The following MRC2 variants were observed in gnomAD, a reference collection of about 807,000 sequenced individuals.
The protein encoded by MRC2 is C-type mannose receptor 2.
Under a neutral mutation model 206.2 loss-of-function variants are expected in MRC2, and 84 were observed. That is an observed-to-expected ratio of 0.41 (90% CI 0.34 to 0.49). The LOEUF (loss-of-function observed/expected upper bound fraction) is 0.49, where lower values mean the gene tolerates loss of function less well. Among genes scored for constraint, MRC2 ranks in the 20% least tolerant of loss-of-function variants. The pLI is 0.31. For synonymous variants in MRC2, 798 were observed against 800.0 expected, an observed-to-expected ratio of 1.00 and a Z score of 0.04; for missense variants, 1,676 against 2,001.5, an observed-to-expected ratio of 0.84 and a Z score of 3.10.
intron 11 of MRC2, 51 bp from the exon 12 acceptor site, chr17:62,677,218 C>G: frequency 6.9e-7 from 1 of 1,453,956 alleles, no homozygotes; most frequent in Non-Finnish European, 9.3e-7. Context: ...TGAGGGAGGA[C>G]CAGACTATGA....
intron 1 of MRC2, among the ~76,000 whole-genome samples, chr17:62,641,226 G>A (rs2088398569): frequency 6.6e-6 from 1 of 151,192 alleles, no homozygotes; most frequent in African/African-American, 2.4e-5. Flanking sequence ...TTGGGAGGCC[G>A]AGGTGGGTGG....
At chr17:62,676,886 CAAAT>C (rs887892764) in intron 11 of MRC2, among the ~76,000 whole-genome samples, 17 of 152,342 alleles carry the variant, frequency 1.1e-4, no homozygotes, top group East Asian at 1.9e-4. Context: ...AAAAAAGAAA[CAAAT>C]AATCTCTTCT....
intron 1 of MRC2, among the ~76,000 whole-genome samples, chr17:62,653,995 A>G (rs891118048): frequency 2.6e-5 from 4 of 152,094 alleles, no homozygotes; most frequent in Non-Finnish European, 5.9e-5. Flanking sequence ...GCCTCTTAGC[A>G]GGGTGGGGCT....
chr17:62,662,580 T>C (rs1598980979), intron 1 of MRC2, among the ~76,000 whole-genome samples: 1 of 152,284 alleles, frequency 6.6e-6, no homozygotes, highest in East Asian at 1.9e-4. Flanking sequence ...ATGAAGCACT[T>C]TGCCCAAGTC....
At chr17:62,665,139 C>T (rs1395627728) in intron 2 of MRC2, among the ~76,000 whole-genome samples, 190 bp downstream of exon 2, 1 of 152,162 alleles carries the variant, frequency 6.6e-6, no homozygotes, top group African/African-American at 2.4e-5. Flanking sequence ...GTGGCTCACG[C>T]CTGTAATCCC....
intron 1 of MRC2, among the ~76,000 whole-genome samples, chr17:62,658,990 C>G (rs2088649981): frequency 6.6e-6 from 1 of 152,162 alleles, no homozygotes; most frequent in African/African-American, 2.4e-5. Flanking sequence ...GGCTTGTAAA[C>G]AATAGAAATG....
At chr17:62,688,753 T>C in intron 22 of MRC2, 89 bp downstream of exon 22, 1 of 1,590,784 alleles carries the variant, frequency 6.3e-7, no homozygotes. Context: ...CCCCAGGGTC[T>C]CCCTTCTTCC....
intron 1 of MRC2, among the ~76,000 whole-genome samples, chr17:62,659,899 G>A (rs751361848): frequency 5.8e-4 from 89 of 152,310 alleles, no homozygotes; most frequent in Middle Eastern, 6.8e-3. Context: ...CATGAAATTC[G>A]TTCATTCATG....
rs1467545874 is a variant in MRC2, at chr17:62,682,344, C to G, written c.2913C>G (p.Gly971=). Residue 971 remains glycine (G), a synonymous_variant, in exon 20 of 30, where the codon GGC becomes GGG. Transcript: ENST00000303375. Reference sequence around the variant, plus strand: ...ACCTGCCAACTACAGCCCTGGGGGGCTGCCCCTCTGACTGGATCCAGTTCC... The same window carrying G: ...ACCTGCCAACTACAGCCCTGGGGGGGTGCCCCTCTGACTGGATCCAGTTCC... ...PPDLPTTALG[G]CPSDWIQFLN... The G allele has an allele frequency of 4.4e-6, 7 of 1,606,628 alleles. No individual in the cohort carries two copies. In the Admixed American group the frequency reaches 1.2e-4, roughly 27 times the overall value.
chr17:62,640,340 T>C (rs1285693442), intron 1 of MRC2, among the ~76,000 whole-genome samples: 1 of 152,188 alleles, frequency 6.6e-6, no homozygotes, highest in Non-Finnish European at 1.5e-5. Flanking sequence ...TGTTTTTGTT[T>C]TCTTTCCTGA....
At chr17:62,638,266 A>G (rs1182120192) in intron 1 of MRC2, among the ~76,000 whole-genome samples, 1 of 152,184 alleles carries the variant, frequency 6.6e-6, no homozygotes, top group African/African-American at 2.4e-5. Flanking sequence ...TTACCCTTCT[A>G]GAATTTTACA....
At chr17:62,632,089 G>A (rs1416766468) in intron 1 of MRC2, among the ~76,000 whole-genome samples, 1 of 152,090 alleles carries the variant, frequency 6.6e-6, no homozygotes, top group Admixed American at 6.6e-5. Flanking sequence ...CAGTGGGGTG[G>A]TGACGCGCTC....
intron 1 of MRC2, chr17:62,661,554 CTTTCTTTCTCCTTCCTTCCTTCA>C (rs2088681114): frequency 7.1e-6 from 1 of 140,216 alleles, no homozygotes; most frequent in African/African-American, 2.6e-5. Flanking sequence ...CTTTCTCTTT[CTTTCTTTCTCCTTCCTTCCTTCA>C]TTCCTTCCTT....
In MRC2 at chr17:62,691,115, C is replaced by T. The variant is rs895057198; in HGVS notation, c.4179C>T (p.Cys1393=). 6.2e-7 allele frequency: 1 copy of T among 1,605,946 alleles called. No homozygotes were observed. ...ACTNITMGVV[C]KLPRAEQSSF... The stretch of plus-strand genomic sequence containing the variant: ...CCAACATCACCATGGGTGTCGTCTG[C>T]AAGCTTCCTCGTGGTGAGCGCCGGG... Residue 1393 remains cysteine, a synonymous_variant, in exon 28 of 30, where the codon TGC becomes TGT. Coordinates refer to ENST00000303375, the MANE Select transcript of MRC2 (RefSeq NM_006039.5).
intron 1 of MRC2, among the ~76,000 whole-genome samples, chr17:62,639,007 G>C (rs1284959726): frequency 6.6e-6 from 1 of 152,198 alleles, no homozygotes; most frequent in Non-Finnish European, 1.5e-5. Context: ...GATCACACTT[G>C]AGGAAATTCA....
rs1445347734 is a variant in MRC2 at position 62,688,603 on chromosome 17, A to G, written c.3164A>G (p.Tyr1055Cys). 6.2e-7 allele frequency: 1 copy of G among 1,614,202 alleles called. No individual in the cohort carries two copies. Among genetic ancestry groups the G allele is most frequent in the Admixed American group, 1.7e-5 (1 of 60,030 alleles). Residue 1055 changes from tyrosine to cysteine, a missense_variant, in exon 22 of 30, where the codon TAT becomes TGT. By Grantham distance (194) the Tyr-to-Cys change is radical. Transcript: ENST00000303375. ...TGGGTGGAGCAGGAGCCTTTGATGT[A>G]TGCCAACTGGGCACCTGGGGAGCCC... ...FQWVEQEPLM[Y>C]ANWAPGEPSG...
At chr17:62,639,586 T>C (rs888955589) in intron 1 of MRC2, among the ~76,000 whole-genome samples, 3 of 152,206 alleles carry the variant, frequency 2.0e-5, no homozygotes, top group African/African-American at 7.2e-5. Context: ...TTACTTTTGG[T>C]AATTTATAAG....
chr17:62,667,244 G>A lies in MRC2; in HGVS notation c.974-146G>A. 9.3e-7 allele frequency: 1 copy of A among 1,071,682 alleles called. No homozygotes were observed. 66.4% of individuals were successfully genotyped at this position (1,071,682 alleles called of 1,614,324 possible). A position where few individuals can be genotyped will look rare whatever the true frequency, so the allele number is the denominator to read the frequency against. On this transcript the variant is annotated intron_variant, in intron 5 of 29. Transcript: ENST00000303375. This position sits in a 1 kb window ranked among gnomAD's most constrained non-coding sequence, Gnocchi z 4.1. Reference sequence around the variant, plus strand: ...AGCGCGGAGGACCCCGTGGTCTGGGGCGGAGCTGGAGCTGAGCACCAGGCT... The same window carrying A: ...AGCGCGGAGGACCCCGTGGTCTGGGACGGAGCTGGAGCTGAGCACCAGGCT...
Position 62,684,337 on chromosome 17 carries a change from G to A in MRC2, c.2946+1960G>A, listed in dbSNP as rs146384378. Among the ~76,000 whole-genome samples the A allele has an allele frequency of 1.8e-3, 269 of 152,260 alleles. 2 individuals carry two copies. The highest frequency in any genetic ancestry group is 6.8e-3 in the Middle Eastern group (2 of 294). ...TAAAAATTGGCTAGTAGGCTGGGAC[G>A]CTGAGCACTGGGAGGATCACTTGAA... On this transcript the variant is annotated intron_variant, in intron 20 of 29. Coordinates refer to ENST00000303375, the MANE Select transcript of MRC2 (RefSeq NM_006039.5).
Sources: allele counts gnomAD v4.1 joint callset (sites outside exome capture counted in the v4.1 genomes callset), GRCh38; gene constraint gnomAD v4.1.1; non-coding constraint Gnocchi (gnomAD v3.1); transcripts MANE v1.5; gene names NCBI Gene and HGNC (gene_info 2026-07-23, HGNC 2026-07-21).